Variants in TIFA observed in about 807,000 individuals in gnomAD.
TIFA encodes the protein TRAF interacting protein with forkhead associated domain.
For synonymous variants in TIFA, 75 were observed against 79.2 expected (o/e 0.95, Z 0.28); for missense variants, 186 against 215.2 (o/e 0.86, Z 0.85).
At chr4:112,278,539 A>G (rs1578431275) in intron 1 of TIFA, 105 bp from the exon 2 acceptor site, 2 of 882,408 alleles carry the variant, frequency 2.3e-6, no homozygotes, top group East Asian at 2.7e-5. Flanking sequence ...ATTTATCTGG[A>G]CTTTAAGAAA....
Position 112,277,887 on chromosome 4 carries a change from G to C in TIFA, c.530C>G (p.Thr177Arg). ...TCATGACTCATTTTCATCCATTTCT[G>C]TCGGAGAACTGCTTTGGGAGGAGCA... ...SLCSSQSSSPTEMDENES is the reference protein window; with the variant it reads ...SLCSSQSSSPREMDENES The change falls in exon 2 of 2, where the codon ACA (threonine) becomes AGA (arginine). Residue 177 changes from threonine (T) to arginine (R), a missense_variant. Physicochemically the swap from Thr to Arg is moderately conservative, Grantham distance 71 (BLOSUM62 -1). Coordinates refer to ENST00000361717, the MANE Select transcript of TIFA (RefSeq NM_052864.3). 3 of 1,598,362 alleles carry C rather than the reference G, an allele frequency of 1.9e-6. No individual in the cohort carries two copies. Among genetic ancestry groups the C allele is most frequent in the Non-Finnish European group, 2.6e-6 (3 of 1,174,826 alleles).
chr4:112,282,055 AATTG>A (rs1727238139), intron 1 of TIFA, among the ~76,000 whole-genome samples: 1 of 152,204 alleles, frequency 6.6e-6, no homozygotes, highest in Non-Finnish European at 1.5e-5. Context: ...GATAGGAGGT[AATTG>A]AATCATGGGG....
chr4:112,280,719 C>G (rs938153896), intron 1 of TIFA, among the ~76,000 whole-genome samples: 8 of 152,122 alleles, frequency 5.3e-5, no homozygotes, highest in Non-Finnish European at 7.3e-5. Flanking sequence ...GAATCAAACT[C>G]TCAATTTATT....
chr4:112,285,208 A>C (rs1472098095), intron 1 of TIFA, among the ~76,000 whole-genome samples: 2 of 152,096 alleles, frequency 1.3e-5, no homozygotes, highest in African/African-American at 4.8e-5. Flanking sequence ...TCGGCACTCC[A>C]GGGAGCCCAG....
In TIFA at chr4:112,277,674, G is replaced by GGTTGT; in HGVS notation, c.*187_*188insACAAC. 5 of 431,860 alleles carry GGTTGT rather than the reference G, an allele frequency of 1.2e-5. No homozygotes were observed. Among genetic ancestry groups the GGTTGT allele is most frequent in the South Asian group, 6.0e-5 (1 of 16,790 alleles). The allele number at this position is 431,860 out of a possible 1,614,324, so 26.8% of individuals were successfully genotyped here. ...GTTAAAATAATTTTGTGTAGATCCA[G>GGTTGT]AATACAACAGGTGACTAAGTTAATG... On this transcript the variant is annotated 3_prime_UTR_variant, in exon 2 of 2. Coordinates refer to ENST00000361717, the MANE Select transcript of TIFA (RefSeq NM_052864.3).
rs555071000 is a variant in TIFA, at chr4:112,277,800, T to A, written c.*62A>T. 6.2e-6 allele frequency: 9 copies of A among 1,457,024 alleles called. No homozygotes were observed. The South Asian group carries it at 1.3e-4, about 20-fold the overall frequency. 90.3% of individuals were successfully genotyped at this position (1,457,024 alleles called of 1,614,324 possible). ...ACTACCCTAATCAACTCTTATTTAG[T>A]GTCTATACAGCATCTACAGAGCTCT... On this transcript the variant is annotated 3_prime_UTR_variant, in exon 2 of 2. Coordinates refer to ENST00000361717, the MANE Select transcript of TIFA (RefSeq NM_052864.3).
chr4:112,278,437 G>A lies in TIFA; in HGVS notation c.-18-3C>T. On this transcript the variant is annotated splice_region_variant and splice_polypyrimidine_tract_variant and intron_variant, in intron 1 of 1. Transcript: ENST00000361717. ...GTCATGATGTGCACAAGGCCCACCT[G>A]CAATAATTAAATTACCATGTTAGTT... 6.6e-7 allele frequency: 1 copy of A among 1,512,834 alleles called. No homozygotes were observed. The allele number at this position is 1,512,834 out of a possible 1,614,324, so 93.7% of individuals were successfully genotyped here. A position where few individuals can be genotyped will look rare whatever the true frequency, so the allele number is the denominator to read the frequency against.
intron 1 of TIFA, among the ~76,000 whole-genome samples, chr4:112,281,304 T>A (rs1282801862): frequency 6.6e-6 from 1 of 152,260 alleles, no homozygotes; most frequent in Non-Finnish European, 1.5e-5. Context: ...AATTTTGTTT[T>A]TGTATGCTTT....
chr4:112,278,584 G>C, intron 1 of TIFA, 150 bp from the exon 2 acceptor site: 1 of 606,180 alleles, frequency 1.6e-6, no homozygotes, highest in Admixed American at 3.7e-5. Flanking sequence ...TGAACTAGTA[G>C]ATATGTGAAA....
chr4:112,274,568 A>G lies in TIFA; in HGVS notation c.*3294T>C, dbSNP rs1034277522. On this transcript the variant is annotated 3_prime_UTR_variant, in exon 2 of 2. Transcript: ENST00000361717. ...TAATAATATAAGTAATTAATTAAAC[A>G]AGTGTTAGAGAATTGGAAACATAAA... 1 of 152,174 alleles carries G rather than the reference A, an allele frequency of 6.6e-6. No individual in the cohort carries two copies. The highest frequency in any genetic ancestry group is 1.5e-5 in the Non-Finnish European group (1 of 68,028). The allele number at this position is 152,174 out of a possible 1,614,324, so 9.4% of individuals were successfully genotyped here.
chr4:112,277,676 A>ATGTAGCCG lies in TIFA; in HGVS notation c.*185_*186insCGGCTACA. 3 of 374,498 alleles carry ATGTAGCCG rather than the reference A, an allele frequency of 8.0e-6. No homozygotes were observed. The highest frequency in any genetic ancestry group is 1.3e-5 in the Non-Finnish European group (3 of 225,674). The allele number at this position is 374,498 out of a possible 1,614,324, so 23.2% of individuals were successfully genotyped here. The stretch of plus-strand genomic sequence containing the variant: ...TAAAATAATTTTGTGTAGATCCAGA[A>ATGTAGCCG]TACAACAGGTGACTAAGTTAATGAC... On this transcript the variant is annotated 3_prime_UTR_variant, in exon 2 of 2. Transcript: ENST00000361717.
At chr4:112,279,653 G>T (rs1156353205) in intron 1 of TIFA, among the ~76,000 whole-genome samples, 2 of 147,600 alleles carry the variant, frequency 1.4e-5, no homozygotes, top group Non-Finnish European at 3.0e-5. Flanking sequence ...GCTATATTTA[G>T]TTCTGAACCT....
chr4:112,285,243 G>A (rs565861020), intron 1 of TIFA, among the ~76,000 whole-genome samples: 5 of 151,466 alleles, frequency 3.3e-5, no homozygotes, highest in South Asian at 2.1e-4. Context: ...GTCTCGCTTG[G>A]CCACCGAGAG....
chr4:112,277,696 A>T lies in TIFA; in HGVS notation c.*166T>A. On this transcript the variant is annotated 3_prime_UTR_variant, in exon 2 of 2. Coordinates refer to ENST00000361717, the MANE Select transcript of TIFA (RefSeq NM_052864.3). ...CCAGAATACAACAGGTGACTAAGTT[A>T]ATGACTAACACAATTTACAGACTTC... is the stretch of plus-strand genomic sequence containing the variant. 1.8e-6 allele frequency: 1 copy of T among 563,590 alleles called. No individual in the cohort carries two copies. The highest frequency in any genetic ancestry group is 2.8e-6 in the Non-Finnish European group (1 of 357,252). The allele number at this position is 563,590 out of a possible 1,614,324, so 34.9% of individuals were successfully genotyped here. A position where few individuals can be genotyped will look rare whatever the true frequency, so the allele number is the denominator to read the frequency against.
intron 1 of TIFA, among the ~76,000 whole-genome samples, chr4:112,284,088 G>C (rs6853282): frequency 0.58 from 88,714 of 152,044 alleles, 27,060 homozygotes; most frequent in African/African-American, 0.78. Context: ...AGAAGGCATA[G>C]ATGCTGCATC....
At chr4:112,278,758 C>T (rs1727170841) in intron 1 of TIFA, among the ~76,000 whole-genome samples, 1 of 152,074 alleles carries the variant, frequency 6.6e-6, no homozygotes, top group Non-Finnish European at 1.5e-5. Flanking sequence ...CCTCTTTCAC[C>T]TAAATAGAGT....
At chr4:112,280,469 C>A (rs563943022) in intron 1 of TIFA, among the ~76,000 whole-genome samples, 1 of 151,110 alleles carries the variant, frequency 6.6e-6, no homozygotes, top group Admixed American at 6.6e-5. Context: ...CCTGTCTCAG[C>A]CTCCCGAGTA....
In TIFA at chr4:112,277,671, C is replaced by CTCGGTGATAG; in HGVS notation, c.*190_*191insCTATCACCGA. On this transcript the variant is annotated 3_prime_UTR_variant, in exon 2 of 2. Coordinates refer to ENST00000361717, the MANE Select transcript of TIFA (RefSeq NM_052864.3). The stretch of plus-strand genomic sequence containing the variant: ...GCAGTTAAAATAATTTTGTGTAGAT[C>CTCGGTGATAG]CAGAATACAACAGGTGACTAAGTTA... 1 of 409,582 alleles carries CTCGGTGATAG rather than the reference C, an allele frequency of 2.4e-6. No individual in the cohort carries two copies. The highest frequency in any genetic ancestry group is 4.2e-6 in the Non-Finnish European group (1 of 240,738). The allele number at this position is 409,582 out of a possible 1,614,324, so 25.4% of individuals were successfully genotyped here. A position where few individuals can be genotyped will look rare whatever the true frequency, so the allele number is the denominator to read the frequency against.
rs1727127189 is a variant in TIFA at position 112,276,951 on chromosome 4, G to A, written c.*911C>T. ...ATAAATAAATTTTTATTTAAGAACT[G>A]AAAAAGACTTTTTTGAAGTTAATAT... On this transcript the variant is annotated 3_prime_UTR_variant, in exon 2 of 2. Coordinates refer to ENST00000361717, the MANE Select transcript of TIFA (RefSeq NM_052864.3). The A allele has an allele frequency of 6.6e-6, 1 of 152,124 alleles. No homozygotes were observed. The highest frequency in any genetic ancestry group is 2.4e-5 in the African/African-American group (1 of 41,438). The allele number at this position is 152,124 out of a possible 1,614,324, so 9.4% of individuals were successfully genotyped here. A position where few individuals can be genotyped will look rare whatever the true frequency, so the allele number is the denominator to read the frequency against.
Sources: gnomAD v4.1 joint callset for allele counts (sites outside exome capture counted in the v4.1 genomes callset) on GRCh38, gnomAD v4.1.1 for gene constraint, MANE v1.5 for transcripts, NCBI Gene and HGNC (gene_info 2026-07-23, HGNC 2026-07-21) for gene names.